Variants in SLC22A23 observed in about 807,000 individuals in gnomAD.
The protein encoded by SLC22A23 is ion transporter protein.
A neutral mutation model predicts 61.0 loss-of-function variants in SLC22A23; 26 were observed. The ratio of observed to expected loss-of-function variants is 0.43; its 90% CI spans 0.31 to 0.59. SLC22A23 has a LOEUF of 0.59. SLC22A23 is among the 20% of genes least tolerant of loss of function. The probability of loss-of-function intolerance (pLI) is 0.11; values close to 1 mark genes in which losing one functional copy is unlikely to be tolerated. For synonymous variants in SLC22A23, 430 were observed against 413.9 expected, an observed-to-expected ratio of 1.04 and a Z score of -0.47; for missense variants, 796 against 934.7, an observed-to-expected ratio of 0.85 and a Z score of 1.94.
intron 3 of SLC22A23, among the ~76,000 whole-genome samples, chr6:3,382,733 C>CA (rs1352850262): frequency 1.3e-5 from 2 of 152,276 alleles, no homozygotes; most frequent in African/African-American, 4.8e-5. Context: ...GTAGCTGTGG[C>CA]AAAAAACATA....
Position 3,356,759 on chromosome 6 carries a change from G to A in SLC22A23, c.914-32757C>T, listed in dbSNP as rs1765131993. ...GATACCAACAACCACCTGTAATAAGGTGCAGGATCCCGCTCAAGCCCTTCA... is the reference window on the plus strand; with the variant it reads ...GATACCAACAACCACCTGTAATAAGATGCAGGATCCCGCTCAAGCCCTTCA... On this transcript the variant is annotated intron_variant, in intron 3 of 9. Coordinates refer to ENST00000406686, the MANE Select transcript of SLC22A23 (RefSeq NM_015482.2). 2.6e-5 allele frequency among the ~76,000 whole-genome samples: 4 copies of A among 152,118 alleles called. No homozygotes were observed. The South Asian group carries it at 8.3e-4, about 32-fold the overall frequency.
At chr6:3,300,235 G>A (rs752170528) in intron 4 of SLC22A23, among the ~76,000 whole-genome samples, 4 of 151,912 alleles carry the variant, frequency 2.6e-5, no homozygotes, top group African/African-American at 4.8e-5. Context: ...GGTCTCGAAC[G>A]CCTGACCTCG....
chr6:3,336,681 C>G (rs1056329532), intron 3 of SLC22A23, among the ~76,000 whole-genome samples: 3 of 152,184 alleles, frequency 2.0e-5, no homozygotes, highest in African/African-American at 7.2e-5. Flanking sequence ...GCTCAACACG[C>G]CCTGAATCAG....
At chr6:3,279,629 GAGAA>G (rs1759249859) in intron 9 of SLC22A23, among the ~76,000 whole-genome samples, 1 of 149,302 alleles carries the variant, frequency 6.7e-6, no homozygotes, top group Non-Finnish European at 1.5e-5. Context: ...TGAAATCTCA[GAGAA>G]AGAGATTGTT....
At chr6:3,450,036 G>A (rs180982268) in intron 1 of SLC22A23, among the ~76,000 whole-genome samples, 3 of 152,316 alleles carry the variant, frequency 2.0e-5, no homozygotes, top group Admixed American at 6.5e-5. Flanking sequence ...TTTCGGATAC[G>A]CTAGTGTTTC....
In SLC22A23 at chr6:3,403,176, CTT is replaced by C. The variant is rs5873881; in HGVS notation, c.913+7010_913+7011del. ...TGTTTTCAAGAAGCCTAATGTTTTG[CTT>C]TTTTTTTTTTTACTTGTTTTCAAGG... On this transcript the variant is annotated intron_variant, in intron 3 of 9. Transcript: ENST00000406686. Among the ~76,000 whole-genome samples the C allele has an allele frequency of 1.7e-3, 255 of 146,758 alleles. 1 individual carries two copies. Among genetic ancestry groups the C allele is most frequent in the Admixed American group, 1.9e-3 (28 of 14,788 alleles).
intron 1 of SLC22A23, among the ~76,000 whole-genome samples, chr6:3,441,198 C>A (rs1372517671): frequency 2.0e-5 from 3 of 152,296 alleles, no homozygotes; most frequent in Non-Finnish European, 2.9e-5. Flanking sequence ...CATTGAGTAA[C>A]ATGGGTGTGT....
At chr6:3,433,630 T>A (rs1771012183) in intron 1 of SLC22A23, among the ~76,000 whole-genome samples, 1 of 152,174 alleles carries the variant, frequency 6.6e-6, no homozygotes, top group African/African-American at 2.4e-5. Flanking sequence ...AGTCTAAGCA[T>A]AATCACCACA....
chr6:3,298,841 G>A (rs898647909), intron 4 of SLC22A23, among the ~76,000 whole-genome samples: 4 of 151,648 alleles, frequency 2.6e-5, no homozygotes, highest in South Asian at 2.1e-4. Flanking sequence ...GCGCAGTGGC[G>A]GGCGCCTGTA....
At chr6:3,281,905 A>T (rs556016327) in intron 9 of SLC22A23, among the ~76,000 whole-genome samples, 13 of 152,178 alleles carry the variant, frequency 8.5e-5, no homozygotes, top group Non-Finnish European at 1.5e-4. Flanking sequence ...CCAGTTTGTC[A>T]TCTTGGCAAG....
At chr6:3,393,246 A>T (rs921580478) in intron 3 of SLC22A23, among the ~76,000 whole-genome samples, 11 of 152,202 alleles carry the variant, frequency 7.2e-5, no homozygotes, top group Non-Finnish European at 1.3e-4. Context: ...CCCCAGAGAC[A>T]ATGCTTGGGG....
At chr6:3,344,915 T>C (rs1488558076) in intron 3 of SLC22A23, among the ~76,000 whole-genome samples, 1 of 130,100 alleles carries the variant, frequency 7.7e-6, no homozygotes, top group East Asian at 2.5e-4. Flanking sequence ...GAGGAAACCA[T>C]CTTCCTAGTC....
intron 3 of SLC22A23, among the ~76,000 whole-genome samples, chr6:3,358,031 G>A (rs1383579615): frequency 6.6e-6 from 1 of 152,166 alleles, no homozygotes; most frequent in Non-Finnish European, 1.5e-5. Context: ...TTGCAAAGGC[G>A]GCCAGTGCAG....
intron 9 of SLC22A23, among the ~76,000 whole-genome samples, chr6:3,280,534 C>G (rs550232314): frequency 1.6e-5 from 2 of 123,390 alleles, no homozygotes; most frequent in African/African-American, 3.2e-5. Flanking sequence ...CTCGCTCTGT[C>G]GCCCAGGCTG....
Position 3,272,972 on chromosome 6 carries a change from C to G in SLC22A23, c.*83G>C. ...GCTTGGCTGAGGCAGCTTTCCCACCCCTGGCTGCGTGTTCGGTCCCTGGTC... is the reference window on the plus strand; with the variant it reads ...GCTTGGCTGAGGCAGCTTTCCCACCGCTGGCTGCGTGTTCGGTCCCTGGTC... On this transcript the variant is annotated 3_prime_UTR_variant, in exon 10 of 10. Coordinates refer to ENST00000406686, the MANE Select transcript of SLC22A23 (RefSeq NM_015482.2). 7.8e-7 allele frequency: 1 copy of G among 1,288,932 alleles called. No homozygotes were observed. The highest frequency in any genetic ancestry group is 1.1e-6 in the Non-Finnish European group (1 of 948,578). The allele number at this position is 1,288,932 out of a possible 1,614,324, so 79.8% of individuals were successfully genotyped here. A position where few individuals can be genotyped will look rare whatever the true frequency, so the allele number is the denominator to read the frequency against.
At chr6:3,276,514 C>T (rs1011561176) in intron 9 of SLC22A23, among the ~76,000 whole-genome samples, 2 of 152,232 alleles carry the variant, frequency 1.3e-5, no homozygotes, top group Admixed American at 1.3e-4. Context: ...CCTCCAATGG[C>T]TCCCTCCTGC....
intron 4 of SLC22A23, chr6:3,323,551 G>T: frequency 1.9e-6 from 1 of 515,510 alleles, no homozygotes; most frequent in Non-Finnish European, 3.5e-6. Flanking sequence ...CCGTGGGGTG[G>T]GTAGCAAGAA....
Position 3,317,247 on chromosome 6 carries a change from A to G in SLC22A23, c.1082+6587T>C, listed in dbSNP as rs1226411860. Among the ~76,000 whole-genome samples, 1 of 152,166 alleles carries G rather than the reference A, an allele frequency of 6.6e-6. No individual in the cohort carries two copies. The highest frequency in any genetic ancestry group is 1.5e-5 in the Non-Finnish European group (1 of 68,034). On this transcript the variant is annotated intron_variant, in intron 4 of 9. Transcript: ENST00000406686. This position sits in a 1 kb window ranked among gnomAD's most constrained non-coding sequence, Gnocchi z 4.4. Reference sequence around the variant, plus strand: ...GTAACGTAGACCTGGACCTCCAAACACAAGACCAGGCTGTGTCTTGCACAA... The same window carrying G: ...GTAACGTAGACCTGGACCTCCAAACGCAAGACCAGGCTGTGTCTTGCACAA...
intron 3 of SLC22A23, among the ~76,000 whole-genome samples, chr6:3,376,086 G>T (rs991884171): frequency 6.6e-6 from 1 of 152,170 alleles, no homozygotes; most frequent in African/African-American, 2.4e-5. Context: ...AGGCAATAAA[G>T]ATCGTGCAGA....
Sources: allele counts gnomAD v4.1 joint callset (sites outside exome capture counted in the v4.1 genomes callset), GRCh38; gene constraint gnomAD v4.1.1; non-coding constraint Gnocchi (gnomAD v3.1); transcripts MANE v1.5; gene names NCBI Gene and HGNC (gene_info 2026-07-23, HGNC 2026-07-21).